The following RBFOX1 variants were observed in gnomAD, a reference collection of about 807,000 sequenced individuals.
The protein encoded by RBFOX1 is RNA binding protein fox-1 homolog 1.
Under a neutral mutation model 57.7 loss-of-function variants are expected in RBFOX1, and 8 were observed. That is an observed-to-expected ratio of 0.14 (90% confidence interval 0.08 to 0.25). The LOEUF (loss-of-function observed/expected upper bound fraction) is 0.25. Among genes scored for constraint, RBFOX1 ranks in the 10% least tolerant of loss-of-function variants. The pLI, the probability that RBFOX1 is intolerant of heterozygous loss-of-function variation, is 1.00. For missense variants in RBFOX1, 611 were observed against 548.5 expected, an observed-to-expected ratio of 1.11 and a Z score of -1.14; for synonymous variants, 326 against 222.4, an observed-to-expected ratio of 1.47 and a Z score of -4.15.
chr16:5,359,869 T>A (rs778851640), intron 1 of RBFOX1, among the ~76,000 whole-genome samples: 11 of 152,200 alleles, frequency 7.2e-5, no homozygotes, highest in African/African-American at 2.2e-4. Flanking sequence ...ACTCATAAAA[T>A]GGGGATGCTG....
chr16:5,512,590 C>T (rs1312552183), intron 2 of RBFOX1, among the ~76,000 whole-genome samples: 3 of 152,080 alleles, frequency 2.0e-5, no homozygotes, highest in East Asian at 3.8e-4. Flanking sequence ...AATCTCTGGA[C>T]CTTAGTTGTT....
At chr16:6,575,861 A>AT (rs1267098046) in intron 2 of RBFOX1, among the ~76,000 whole-genome samples, 4 of 134,108 alleles carry the variant, frequency 3.0e-5, no homozygotes, top group Non-Finnish European at 4.9e-5. Flanking sequence ...CATCTCAATA[A>AT]AAAATAAATA....
chr16:7,186,351 CATAAACATATTTATATAAATATAAACAT>C (rs2083801298), intron 4 of RBFOX1, among the ~76,000 whole-genome samples: 3 of 41,078 alleles, frequency 7.3e-5, no homozygotes, highest in African/African-American at 5.6e-4. Flanking sequence ...TAAATATAAA[CATAAACATATTTATATAAATATAAACAT>C]AAACATATTT....
At chr16:7,132,935 T>A (rs1192310375) in intron 4 of RBFOX1, among the ~76,000 whole-genome samples, 1 of 152,212 alleles carries the variant, frequency 6.6e-6, no homozygotes, top group African/African-American at 2.4e-5. Flanking sequence ...GATACATTTT[T>A]TCACTTGTGA....
chr16:6,880,370 C>T (rs1347245056), intron 3 of RBFOX1, among the ~76,000 whole-genome samples: 5 of 152,126 alleles, frequency 3.3e-5, no homozygotes, highest in African/African-American at 9.7e-5. Context: ...TTATACTTTC[C>T]ACTTCAGTCA....
chr16:6,805,678 A>C (rs1487388855), intron 3 of RBFOX1, among the ~76,000 whole-genome samples: 3 of 152,174 alleles, frequency 2.0e-5, no homozygotes, highest in African/African-American at 7.2e-5. Flanking sequence ...TGCTGAAAAC[A>C]TGTGAAATTA....
intron 3 of RBFOX1, among the ~76,000 whole-genome samples, chr16:5,668,436 A>G (rs1465707631): frequency 6.6e-6 from 1 of 152,222 alleles, no homozygotes; most frequent in Non-Finnish European, 1.5e-5. Flanking sequence ...AAGTGCTTCA[A>G]AAAGACTTCA....
intron 4 of RBFOX1, among the ~76,000 whole-genome samples, chr16:7,124,202 G>C (rs1389530148): frequency 6.6e-6 from 1 of 152,164 alleles, no homozygotes; most frequent in Non-Finnish European, 1.5e-5. Flanking sequence ...GGGAGGCCAA[G>C]GCAGGAGGAC....
chr16:5,711,011 T>G (rs759103847), intron 3 of RBFOX1, among the ~76,000 whole-genome samples: 1 of 152,068 alleles, frequency 6.6e-6, no homozygotes, highest in African/African-American at 2.4e-5. Context: ...CTAGGGTAAG[T>G]GGGAAGCACA....
At chr16:7,661,225 C>T (rs2067640375) in intron 12 of RBFOX1, among the ~76,000 whole-genome samples, 1 of 152,186 alleles carries the variant, frequency 6.6e-6, no homozygotes, top group African/African-American at 2.4e-5. Flanking sequence ...ATAGATCACT[C>T]GTCCTTTCCA....
rs527983112 is a variant in RBFOX1 at position 7,294,744 on chromosome 16, C to T, written c.28-223403C>T. 2.1e-4 allele frequency among the ~76,000 whole-genome samples: 32 copies of T among 151,804 alleles called. 1 individual carries two copies. The Middle Eastern group carries it at 0.01, about 48-fold the overall frequency. ...GAGTAGTTCTTCACAAAAGTGCTTA[C>T]GAGGTTTAGATATTGTAAAAAATGA... is the stretch of plus-strand genomic sequence containing the variant. On this transcript the variant is annotated intron_variant, in intron 4 of 15. Coordinates refer to ENST00000550418, the MANE Select transcript of RBFOX1 (RefSeq NM_018723.4).
chr16:5,432,524 T>G lies in RBFOX1; in HGVS notation c.220-34692T>G, dbSNP rs568315211. Among the ~76,000 whole-genome samples the G allele has an allele frequency of 3.2e-3, 488 of 151,194 alleles. 3 individuals carry two copies. Among genetic ancestry groups the G allele is most frequent in the Non-Finnish European group, 4.7e-3 (322 of 67,802 alleles). On this transcript the variant is annotated intron_variant, in intron 1 of 2. Coordinates refer to the RBFOX1 transcript ENST00000585867. ...TGATTTCCCAATTTATCGTCTTACC[T>G]TACAACTGGGGAGTTTTTTTTTTTT...
chr16:5,516,233 C>G (rs2043787628), intron 2 of RBFOX1, among the ~76,000 whole-genome samples: 1 of 152,212 alleles, frequency 6.6e-6, no homozygotes, highest in Non-Finnish European at 1.5e-5. Context: ...TTTTCTATCA[C>G]TTCCTGTCTC....
At chr16:5,594,064 T>G (rs771111810) in intron 2 of RBFOX1, among the ~76,000 whole-genome samples, 5 of 152,002 alleles carry the variant, frequency 3.3e-5, no homozygotes, top group Non-Finnish European at 2.9e-5. Flanking sequence ...TTGCACAATG[T>G]TGGTCCACGT....
chr16:6,514,203 G>T (rs1329220622), intron 2 of RBFOX1, among the ~76,000 whole-genome samples: 2 of 152,108 alleles, frequency 1.3e-5, no homozygotes, highest in African/African-American at 4.8e-5. Context: ...CCCATCCTTT[G>T]GGGATGCTCT....
intron 5 of RBFOX1, among the ~76,000 whole-genome samples, chr16:7,552,693 C>A (rs1235416823): frequency 1.3e-5 from 2 of 151,982 alleles, no homozygotes; most frequent in Admixed American, 1.3e-4. Flanking sequence ...GTTTTTCTTT[C>A]TTTTTTTGCA....
intron 3 of RBFOX1, among the ~76,000 whole-genome samples, chr16:6,969,200 C>T (rs1327615883): frequency 6.6e-6 from 1 of 152,124 alleles, no homozygotes; most frequent in African/African-American, 2.4e-5. Context: ...TCACTACATT[C>T]CCAGTCCTTC....
intron 3 of RBFOX1, among the ~76,000 whole-genome samples, chr16:5,715,376 C>T (rs1011580334): frequency 1.3e-5 from 2 of 152,126 alleles, no homozygotes; most frequent in African/African-American, 4.8e-5. Context: ...ATATATTGTC[C>T]ACACTTACTC....
chr16:6,484,587 C>A (rs936508727), intron 2 of RBFOX1, among the ~76,000 whole-genome samples: 1 of 152,118 alleles, frequency 6.6e-6, no homozygotes, highest in South Asian at 2.1e-4. Context: ...AATGTGACAT[C>A]CATCAGTCTA....
Sources: gnomAD v4.1 joint callset for allele counts (sites outside exome capture counted in the v4.1 genomes callset) on GRCh38, gnomAD v4.1.1 for gene constraint, MANE v1.5 for transcripts, NCBI Gene and HGNC (gene_info 2026-07-23, HGNC 2026-07-21) for gene names.